The following ABHD2 variants were observed in gnomAD, a reference collection of about 807,000 sequenced individuals.
ABHD2 encodes the protein abhydrolase domain containing 2, acylglycerol lipase.
A neutral mutation model predicts 48.1 loss-of-function variants in ABHD2; 20 were observed. The ratio of observed to expected loss-of-function variants is 0.42; its 90% confidence interval spans 0.29 to 0.60. The LOEUF (loss-of-function observed/expected upper bound fraction) is 0.60, where lower values mean the gene tolerates loss of function less well. Ranked by LOEUF, ABHD2 falls within the 20% of genes least tolerant of loss-of-function variation. The pLI is 0.24. For synonymous variants in ABHD2, 209 were observed against 214.2 expected (o/e 0.98, Z 0.21); for missense variants, 405 against 550.9 (o/e 0.74, Z 2.65).
chr15:89,115,195 A>G (rs2049935438), intron 2 of ABHD2, among the ~76,000 whole-genome samples: 1 of 152,190 alleles, frequency 6.6e-6, no homozygotes, highest in Non-Finnish European at 1.5e-5. Context: ...CTGTTGCCAT[A>G]GCTACCTTGG....
At position 89,180,146 on chromosome 15, in the gene ABHD2, C is replaced by T. The variant is rs548670168; in HGVS notation, c.722+4151C>T. Among the ~76,000 whole-genome samples, 355 of 152,332 alleles carry T rather than the reference C, an allele frequency of 2.3e-3. 1 individual carries two copies. Among genetic ancestry groups the T allele is most frequent in the African/African-American group, 7.9e-3 (329 of 41,564 alleles). ...CCAAACAAAGAGGGGGAAACTGCAG[C>T]GTTTAAATGAGACTCTATGGACGGA... On this transcript the variant is annotated intron_variant, in intron 6 of 10. Coordinates refer to ENST00000352732, the MANE Select transcript of ABHD2 (RefSeq NM_152924.5).
rs112069965 is a variant in ABHD2 at position 89,179,712 on chromosome 15, T to G, written c.722+3717T>G. 5.0e-4 allele frequency among the ~76,000 whole-genome samples: 76 copies of G among 152,356 alleles called. No homozygotes were observed. The highest frequency in any genetic ancestry group is 1.8e-3 in the African/African-American group (73 of 41,586). On this transcript the variant is annotated intron_variant, in intron 6 of 10. Coordinates refer to ENST00000352732, the MANE Select transcript of ABHD2 (RefSeq NM_152924.5). The surrounding 1 kb of genome is among the most constrained non-coding windows in gnomAD (Gnocchi z 4.3). ...TTCCCTAGGCTGTGGACAAATTGTC[T>G]TCCACAAAGCCAGTCCCAAGGACTG... is the stretch of plus-strand genomic sequence containing the variant.
the ABHD2 span, among the ~76,000 whole-genome samples, chr15:89,059,674 G>T: frequency 6.6e-6 from 1 of 152,154 alleles, no homozygotes; most frequent in Admixed American, 6.5e-5. Context: ...TGCCATTCCA[G>T]AGATGGTGGG....
At chr15:89,160,748 G>T (rs756826634) in intron 5 of ABHD2, among the ~76,000 whole-genome samples, 1 of 152,132 alleles carries the variant, frequency 6.6e-6, no homozygotes, top group Non-Finnish European at 1.5e-5. Flanking sequence ...CATTGCAGAG[G>T]GTAGGAAGAG....
At chr15:89,170,243 G>A (rs569262772) in intron 5 of ABHD2, among the ~76,000 whole-genome samples, 8 of 151,494 alleles carry the variant, frequency 5.3e-5, no homozygotes, top group African/African-American at 1.7e-4. Flanking sequence ...CTACAGGCAC[G>A]TGTCACCACT....
chr15:89,112,894 T>TTC (rs2049897628), intron 1 of ABHD2, among the ~76,000 whole-genome samples: 1 of 152,242 alleles, frequency 6.6e-6, no homozygotes, highest in African/African-American at 2.4e-5. Context: ...TATGTCTCAG[T>TTC]TACCTTGTCT....
chr15:89,072,485 A>T, the ABHD2 span, among the ~76,000 whole-genome samples: 1 of 146,046 alleles, frequency 6.8e-6, no homozygotes, highest in South Asian at 2.3e-4. Context: ...CAAAAGAGGA[A>T]AGGAGGGGAA....
intron 5 of ABHD2, among the ~76,000 whole-genome samples, chr15:89,171,023 G>A (rs917116975): frequency 6.6e-6 from 1 of 152,138 alleles, no homozygotes; most frequent in Admixed American, 6.5e-5. Context: ...GGCTGAGGCA[G>A]GAGAATCGTT....
intron 5 of ABHD2, among the ~76,000 whole-genome samples, chr15:89,156,390 G>A (rs926458676): frequency 1.3e-5 from 2 of 150,736 alleles, no homozygotes; most frequent in African/African-American, 4.9e-5. Flanking sequence ...CGAAGTGCTG[G>A]GATTACAGGC....
intron 3 of ABHD2, chr15:89,136,296 T>C: frequency 2.2e-6 from 1 of 450,620 alleles, no homozygotes; most frequent in Non-Finnish European, 4.4e-6. Context: ...ATGGGCCCTG[T>C]CTGCCTTTGC....
intron 3 of ABHD2, among the ~76,000 whole-genome samples, chr15:89,142,087 A>G (rs1174683127): frequency 1.3e-5 from 2 of 152,182 alleles, no homozygotes; most frequent in African/African-American, 2.4e-5. Context: ...TAAGCCCTGG[A>G]CGCAGTGGCC....
the ABHD2 span, among the ~76,000 whole-genome samples, chr15:89,057,260 C>T: frequency 3.9e-5 from 6 of 152,174 alleles, no homozygotes; most frequent in Non-Finnish European, 8.8e-5. Flanking sequence ...GGTAAAGGAT[C>T]TATTGAAGCC....
Position 89,100,762 on chromosome 15 carries a change from G to T in ABHD2, c.-107+12199G>T, listed in dbSNP as rs766762968. ...CGGGCACCTGTAATACCAGCTACTC[G>T]GGAGGCTGAGGCAGGAGAATTGCTG... On this transcript the variant is annotated intron_variant, in intron 1 of 10. Coordinates refer to ENST00000352732, the MANE Select transcript of ABHD2 (RefSeq NM_152924.5). This position sits in a 1 kb window ranked among gnomAD's most constrained non-coding sequence, Gnocchi z 4.4. Among the ~76,000 whole-genome samples, 2 of 152,036 alleles carry T rather than the reference G, an allele frequency of 1.3e-5. No individual in the cohort carries two copies. The highest frequency in any genetic ancestry group is 4.8e-5 in the African/African-American group (2 of 41,406).
At position 89,102,752 on chromosome 15, in the gene ABHD2, T is replaced by C. The variant is rs948416514; in HGVS notation, c.-106-10973T>C. ...TCCTGAGGAGTGAGTGGCGTAGCTA[T>C]CTGCTTCATGTGGGGCGCTCCTGCT... On this transcript the variant is annotated intron_variant, in intron 1 of 10. Coordinates refer to ENST00000352732, the MANE Select transcript of ABHD2 (RefSeq NM_152924.5). This position sits in a 1 kb window ranked among gnomAD's most constrained non-coding sequence, Gnocchi z 4.8. Among the ~76,000 whole-genome samples, 7 of 152,258 alleles carry C rather than the reference T, an allele frequency of 4.6e-5. No homozygotes were observed. The highest frequency in any genetic ancestry group is 1.4e-4 in the African/African-American group (6 of 41,476).
rs1361332486 is a variant in ABHD2 at position 89,183,381 on chromosome 15, AAAAATATATATAT to A, written c.723-2041_723-2029del. ...ATCAGTCCTTTTCAAAAAAAAAAAAAAAAATATATATATATATATATATATATATATATATGAG... is the reference window on the plus strand; with the variant it reads ...ATCAGTCCTTTTCAAAAAAAAAAAAAATATATATATATATATATATATGAG... On this transcript the variant is annotated intron_variant, in intron 6 of 10. Coordinates refer to ENST00000352732, the MANE Select transcript of ABHD2 (RefSeq NM_152924.5). The A allele has an allele frequency of 2.6e-3, 188 of 72,714 alleles. 1 individual carries two copies. Among genetic ancestry groups the A allele is most frequent in the African/African-American group, 9.8e-3 (128 of 13,070 alleles). The allele number at this position is 72,714 out of a possible 1,614,324, so 4.5% of individuals were successfully genotyped here.
At chr15:89,192,918 T>A (rs1364560016) in intron 9 of ABHD2, among the ~76,000 whole-genome samples, 4 of 152,204 alleles carry the variant, frequency 2.6e-5, no homozygotes, top group Admixed American at 2.6e-4. Flanking sequence ...TCCCATGATA[T>A]AAACTGAATG....
At position 89,146,079 on chromosome 15, in the gene ABHD2, G is replaced by T. The variant is rs144551184; in HGVS notation, c.195-5598G>T. The stretch of plus-strand genomic sequence containing the variant: ...CTGAGATGTGAGGACTCAATCTCAG[G>T]CAACATATCCTAAACATCTAGTGTG... On this transcript the variant is annotated intron_variant, in intron 3 of 10. Transcript: ENST00000352732. The surrounding 1 kb of genome is among the most constrained non-coding windows in gnomAD (Gnocchi z 4.2). 6.6e-6 allele frequency among the ~76,000 whole-genome samples: 1 copy of T among 152,130 alleles called. No individual in the cohort carries two copies. The highest frequency in any genetic ancestry group is 1.5e-5 in the Non-Finnish European group (1 of 68,038).
the ABHD2 span, among the ~76,000 whole-genome samples, chr15:89,055,755 T>A: frequency 1.2e-3 from 178 of 152,298 alleles, 1 homozygote; most frequent in African/African-American, 4.1e-3. Flanking sequence ...AATATTGAAC[T>A]GCTATTAAGA....
chr15:89,129,507 C>G (rs1415010523), intron 3 of ABHD2, among the ~76,000 whole-genome samples: 1 of 151,990 alleles, frequency 6.6e-6, no homozygotes, highest in African/African-American at 2.4e-5. Flanking sequence ...GAAACAAACA[C>G]CAGAGAAGGA....
Sources: gnomAD v4.1 joint callset for allele counts (sites outside exome capture counted in the v4.1 genomes callset) on GRCh38, gnomAD v4.1.1 for gene constraint, Gnocchi (gnomAD v3.1) non-coding constraint, MANE v1.5 for transcripts, NCBI Gene and HGNC (gene_info 2026-07-23, HGNC 2026-07-21) for gene names.